The following TNFRSF21 variants were observed in gnomAD, a reference collection of about 807,000 sequenced individuals.
TNFRSF21 encodes the protein TNF receptor superfamily member 21, also known as tumor necrosis factor receptor superfamily member 21.
A neutral mutation model predicts 45.6 loss-of-function variants in TNFRSF21; 19 were observed. The observed-to-expected ratio is 0.42, with a 90% CI of 0.29 to 0.61. TNFRSF21 has a LOEUF of 0.61. Among genes scored for constraint, TNFRSF21 ranks in the 20% least tolerant of loss-of-function variants. The probability of loss-of-function intolerance (pLI) is 0.23; values close to 1 mark genes in which losing one functional copy is unlikely to be tolerated. For synonymous variants in TNFRSF21, 314 were observed against 335.5 expected (o/e 0.94, Z 0.70); for missense variants, 737 against 851.5 (o/e 0.87, Z 1.67).
At chr6:47,264,109 AT>A (rs935350256) in intron 3 of TNFRSF21, among the ~76,000 whole-genome samples, 55 of 151,798 alleles carry the variant, frequency 3.6e-4, no homozygotes, top group Admixed American at 1.8e-3. Context: ...ACATTTTTAG[AT>A]TTTTTTTTCC....
At chr6:47,240,038 T>C (rs1480389185) in intron 4 of TNFRSF21, among the ~76,000 whole-genome samples, 2 of 152,184 alleles carry the variant, frequency 1.3e-5, no homozygotes, top group Non-Finnish European at 2.9e-5. Context: ...CCCCCTGAAA[T>C]GAAGCATTAA....
intron 3 of TNFRSF21, among the ~76,000 whole-genome samples, chr6:47,261,141 T>C (rs1765068613): frequency 6.6e-6 from 1 of 152,194 alleles, no homozygotes; most frequent in South Asian, 2.1e-4. Context: ...GCACGCACTG[T>C]GTCCATAACC....
In TNFRSF21 at chr6:47,277,048, C is replaced by A. The variant is rs146634251; in HGVS notation, c.1243+6890G>T. 3.3e-3 allele frequency among the ~76,000 whole-genome samples: 501 copies of A among 152,228 alleles called. 2 individuals are homozygous for A. The highest frequency in any genetic ancestry group is 0.011 in the African/African-American group (467 of 41,534). On this transcript the variant is annotated intron_variant, in intron 3 of 5. Coordinates refer to ENST00000296861, the MANE Select transcript of TNFRSF21 (RefSeq NM_014452.5). ...TTCTCTTGTTGCCCAGGCTGAAGTA[C>A]AGTGGCACGATCTTGGCTCACTGCA...
chr6:47,274,033 T>C (rs1430440566), intron 3 of TNFRSF21, among the ~76,000 whole-genome samples: 2 of 152,156 alleles, frequency 1.3e-5, no homozygotes, highest in Non-Finnish European at 1.5e-5. Flanking sequence ...ATAGGAAGAA[T>C]GAATATTGTG....
chr6:47,300,394 ATTGTCAC>A (rs1762847460), intron 1 of TNFRSF21, among the ~76,000 whole-genome samples: 1 of 152,056 alleles, frequency 6.6e-6, no homozygotes, highest in Non-Finnish European at 1.5e-5. Flanking sequence ...CCCCATCTTC[ATTGTCAC>A]TGCTCTAGCA....
intron 1 of TNFRSF21, among the ~76,000 whole-genome samples, chr6:47,307,534 G>A (rs567230357): frequency 3.9e-5 from 6 of 151,944 alleles, no homozygotes; most frequent in Non-Finnish European, 7.4e-5. Context: ...GCACACCACC[G>A]CCACACCCAC....
chr6:47,287,995 T>G (rs900598649), intron 1 of TNFRSF21, among the ~76,000 whole-genome samples: 3 of 152,182 alleles, frequency 2.0e-5, no homozygotes, highest in African/African-American at 7.2e-5. Context: ...GTTGGTACTC[T>G]TTACAGAAGT....
chr6:47,265,076 G>C (rs1053327577), intron 3 of TNFRSF21, among the ~76,000 whole-genome samples: 1 of 152,224 alleles, frequency 6.6e-6, no homozygotes, highest in Non-Finnish European at 1.5e-5. Flanking sequence ...TGCCACTGCT[G>C]TCTGGTGATG....
chr6:47,308,540 A>G, intron 1 of TNFRSF21, among the ~76,000 whole-genome samples: 1 of 152,222 alleles, frequency 6.6e-6, no homozygotes, highest in East Asian at 1.9e-4. Context: ...GGGGAAGTTG[A>G]GGGTAAGTTT....
chr6:47,273,030 C>A (rs1762449984), intron 3 of TNFRSF21, among the ~76,000 whole-genome samples: 1 of 152,072 alleles, frequency 6.6e-6, no homozygotes. Context: ...TAATAGCCTA[C>A]CCACCAAAAA....
At chr6:47,253,621 T>G (rs1224254662) in intron 3 of TNFRSF21, 100 bp from the exon 4 acceptor site, 6 of 1,387,766 alleles carry the variant, frequency 4.3e-6, no homozygotes, top group Non-Finnish European at 4.9e-6. Context: ...GAGGCACGCT[T>G]TCCTATCGCT....
chr6:47,251,493 T>G (rs1351478480), intron 4 of TNFRSF21, among the ~76,000 whole-genome samples: 4 of 152,202 alleles, frequency 2.6e-5, no homozygotes, highest in Non-Finnish European at 4.4e-5. Flanking sequence ...ACCTAATGAT[T>G]TTATTATGAA....
rs981775893 is a variant in TNFRSF21, at chr6:47,284,553, G to T, written c.749-121C>A. ...AATCAAAGATAAGATGACCCTTGGGGCTTAAGAATAAATTGTGTTGCACAT... is the reference window on the plus strand; with the variant it reads ...AATCAAAGATAAGATGACCCTTGGGTCTTAAGAATAAATTGTGTTGCACAT... On this transcript the variant is annotated intron_variant, in intron 2 of 5. Coordinates refer to ENST00000296861, the MANE Select transcript of TNFRSF21 (RefSeq NM_014452.5). 17 of 1,169,214 alleles carry T rather than the reference G, an allele frequency of 1.5e-5. No homozygotes were observed. In the African/African-American group the frequency reaches 1.7e-4, roughly 12 times the overall value. The allele number at this position is 1,169,214 out of a possible 1,614,324, so 72.4% of individuals were successfully genotyped here. A position where few individuals can be genotyped will look rare whatever the true frequency, so the allele number is the denominator to read the frequency against.
chr6:47,242,064 G>C (rs1436467763), intron 4 of TNFRSF21, among the ~76,000 whole-genome samples: 1 of 152,076 alleles, frequency 6.6e-6, no homozygotes, highest in East Asian at 1.9e-4. Flanking sequence ...GTTCTGCTCA[G>C]CTTCCTTGGG....
chr6:47,283,864 T>C (rs1762606475), intron 3 of TNFRSF21, 74 bp downstream of exon 3: 1 of 1,540,228 alleles, frequency 6.5e-7, no homozygotes, highest in Non-Finnish European at 8.7e-7. Context: ...GCATTCCCAT[T>C]CCTTCAGAAA....
rs369353250 is a variant in TNFRSF21 at position 47,286,256 on chromosome 6, G to A, written c.436C>T (p.Pro146Ser). Residue 146 changes from proline to serine, a missense_variant, in exon 2 of 6, where the codon CCC becomes TCC. Transcript: ENST00000296861. ...GMFQSNATCA[P>S]HTVCPVGWGV... The stretch of plus-strand genomic sequence containing the variant: ...CAACCCACAGGACACACCGTATGGG[G>A]GGCACAGGTAGCGTTAGACTGGAAC... 3.0e-5 allele frequency: 49 copies of A among 1,614,056 alleles called. No homozygotes were observed. In the Middle Eastern group the frequency reaches 9.9e-4, roughly 32 times the overall value.
At chr6:47,309,332 C>T in intron 1 of TNFRSF21, 84 bp downstream of exon 1, 5 of 1,462,318 alleles carry the variant, frequency 3.4e-6, no homozygotes, top group Non-Finnish European at 4.5e-6. Flanking sequence ...CCCTAAGCCC[C>T]GGCCCGGTGA....
At chr6:47,251,064 C>T (rs1764893920) in intron 4 of TNFRSF21, among the ~76,000 whole-genome samples, 1 of 152,052 alleles carries the variant, frequency 6.6e-6, no homozygotes, top group African/African-American at 2.4e-5. Context: ...TATGTATATG[C>T]AAATATTCCA....
At chr6:47,298,206 C>T (rs1383646371) in intron 1 of TNFRSF21, among the ~76,000 whole-genome samples, 1 of 145,190 alleles carries the variant, frequency 6.9e-6, no homozygotes, top group East Asian at 2.0e-4. Flanking sequence ...CATGGGAGGG[C>T]AAGGAGAGAG....
Sources: gnomAD v4.1 joint callset for allele counts (sites outside exome capture counted in the v4.1 genomes callset) on GRCh38, gnomAD v4.1.1 for gene constraint, MANE v1.5 for transcripts, NCBI Gene and HGNC (gene_info 2026-07-23, HGNC 2026-07-21) for gene names.